The following CCDC149 variants were observed in gnomAD, a reference collection of about 807,000 sequenced individuals.
CCDC149 encodes the protein coiled-coil domain-containing protein 149.
CCDC149 carries 45 observed loss-of-function variants against 59.9 expected under a neutral mutation model. The observed-to-expected ratio is 0.75, with a 90% CI of 0.59 to 0.96. The LOEUF (loss-of-function observed/expected upper bound fraction) is 0.96. Among genes scored for constraint, CCDC149 ranks in the 40% least tolerant of loss-of-function variants. CCDC149 has a pLI of 0.00. For missense variants in CCDC149, 584 were observed against 664.7 expected, an observed-to-expected ratio of 0.88 and a Z score of 1.33; for synonymous variants, 245 against 260.6, an observed-to-expected ratio of 0.94 and a Z score of 0.58.
chr4:24,804,460 C>T (rs1670228039), downstream of CCDC149, among the ~76,000 whole-genome samples: 1 of 145,896 alleles, frequency 6.9e-6, no homozygotes, highest in African/African-American at 2.6e-5. Flanking sequence ...CACTGCACTC[C>T]ACCCTGGGTG....
rs760293747 is a variant in CCDC149 at position 24,895,049 on chromosome 4, G to A, written c.63+17768C>T. The A allele has an allele frequency of 1.3e-4, 203 of 1,523,794 alleles. No homozygotes were observed. In the Middle Eastern group the frequency reaches 1.8e-3, roughly 14 times the overall value. The allele number at this position is 1,523,794 out of a possible 1,614,324, so 94.4% of individuals were successfully genotyped here. ...TGATGATGATGACGACGACGATGACGACCATGATGGTGATGATGATGAGTT... is the reference window on the plus strand; with the variant it reads ...TGATGATGATGACGACGACGATGACAACCATGATGGTGATGATGATGAGTT... On this transcript the variant is annotated intron_variant, in intron 1 of 12. Transcript: ENST00000635206.
At chr4:24,822,683 G>T in intron 9 of CCDC149, 110 bp from the exon 10 acceptor site, 1 of 641,040 alleles carries the variant, frequency 1.6e-6, no homozygotes, top group South Asian at 2.4e-5. Flanking sequence ...TATGATATAT[G>T]CAAAAAATGG....
intron 1 of CCDC149, among the ~76,000 whole-genome samples, chr4:24,935,727 A>T (rs1023344525): frequency 1.3e-5 from 2 of 152,214 alleles, no homozygotes; most frequent in Non-Finnish European, 2.9e-5. Context: ...TCTGTTGCTT[A>T]TAAATCACCC....
chr4:24,932,715 A>G (rs1722630670), intron 1 of CCDC149, among the ~76,000 whole-genome samples: 1 of 152,110 alleles, frequency 6.6e-6, no homozygotes, highest in African/African-American at 2.4e-5. Flanking sequence ...TTAAATTGCA[A>G]CCCAGCACTG....
intron 12 of CCDC149, 112 bp from the exon 13 acceptor site, chr4:24,808,931 G>T (rs1714409571): frequency 5.6e-6 from 6 of 1,074,760 alleles, no homozygotes; most frequent in Non-Finnish European, 7.8e-6. Context: ...TGAAAAAGGA[G>T]CAAGACTTTT....
intron 1 of CCDC149, among the ~76,000 whole-genome samples, chr4:24,886,829 G>A (rs866749299): frequency 3.3e-5 from 5 of 152,180 alleles, no homozygotes; most frequent in Admixed American, 1.3e-4. Flanking sequence ...CTGAAGAAAG[G>A]AAGACAGCTG....
At chr4:24,905,879 A>G (rs4697495) in intron 1 of CCDC149, among the ~76,000 whole-genome samples, 121,158 of 152,162 alleles carry the variant, frequency 0.8, 48,784 homozygotes, top group Non-Finnish European at 0.86. Context: ...GATATGTACA[A>G]TTCTCCACTC....
chr4:24,876,558 T>C lies in CCDC149; in HGVS notation c.203A>G (p.Lys68Arg). Residue 68 changes from lysine (K) to arginine (R), a missense_variant, in exon 2 of 13, where the codon AAG (lysine) becomes AGG (arginine). Transcript: ENST00000635206. ...TACAATCAGCTCTCGGTACTTCTTC[T>C]TCAGTGACTGGTGGCGCTCCCGGAG... is the stretch of plus-strand genomic sequence containing the variant. The C allele has an allele frequency of 6.2e-7, 1 of 1,614,156 alleles. No individual in the cohort carries two copies. Among genetic ancestry groups the C allele is most frequent in the Non-Finnish European group, 8.5e-7 (1 of 1,179,982 alleles).
At chr4:24,950,543 C>T (rs970295568) in intron 1 of CCDC149, among the ~76,000 whole-genome samples, 2 of 152,164 alleles carry the variant, frequency 1.3e-5, no homozygotes, top group African/African-American at 4.8e-5. Context: ...TGGAGAATCC[C>T]AGCCTTTGGA....
rs534090201 is a variant in CCDC149, at chr4:24,808,593, C to T, written c.1419G>A (p.Leu473=). ...TGGGACTCTCTCTTCTGACCTCTTC[C>T]AGTTCTGCAGCTGCCTGTTCCTTTG... The change falls in exon 13 of 13, where the codon CTG becomes CTA. Residue 473 remains leucine (L), a synonymous_variant. Coordinates refer to ENST00000635206, the MANE Select transcript of CCDC149 (RefSeq NM_001330643.2). 6.4e-7 allele frequency: 1 copy of T among 1,552,208 alleles called. No individual in the cohort carries two copies. The highest frequency in any genetic ancestry group is 2.4e-5 in the East Asian group (1 of 40,916).
intron 1 of CCDC149, among the ~76,000 whole-genome samples, chr4:24,889,449 T>C (rs1410994001): frequency 6.6e-6 from 1 of 152,236 alleles, no homozygotes; most frequent in Admixed American, 6.5e-5. Flanking sequence ...ATGCTGCCGG[T>C]ACGCCTTGCA....
At chr4:24,897,865 G>A (rs1396526126) in intron 1 of CCDC149, among the ~76,000 whole-genome samples, 3 of 152,222 alleles carry the variant, frequency 2.0e-5, no homozygotes, top group South Asian at 4.1e-4. Flanking sequence ...TGAGCAGCCT[G>A]CATGCATGCT....
At chr4:24,862,376 G>A (rs1453116101) in intron 3 of CCDC149, among the ~76,000 whole-genome samples, 2 of 152,180 alleles carry the variant, frequency 1.3e-5, no homozygotes, top group Non-Finnish European at 2.9e-5. Context: ...GATACCAGCC[G>A]TGGCGGCCAG....
chr4:24,831,765 T>C (rs1259017567), intron 8 of CCDC149, 115 bp from the exon 9 acceptor site: 11 of 911,498 alleles, frequency 1.2e-5, no homozygotes, highest in African/African-American at 8.5e-5. Context: ...AATGCTACTA[T>C]GTTGTATTGA....
At position 24,912,800 on chromosome 4, in the gene CCDC149, C is replaced by G. The variant is rs1389055041; in HGVS notation, c.63+17G>C. 5 of 1,315,484 alleles carry G rather than the reference C, an allele frequency of 3.8e-6. No homozygotes were observed. Among genetic ancestry groups the G allele is most frequent in the South Asian group, 3.5e-5 (2 of 56,362 alleles). The allele number at this position is 1,315,484 out of a possible 1,614,324, so 81.5% of individuals were successfully genotyped here. On this transcript the variant is annotated intron_variant, in intron 1 of 12. Coordinates refer to ENST00000635206, the MANE Select transcript of CCDC149 (RefSeq NM_001330643.2). Reference sequence around the variant, plus strand: ...CTCGGCCCGGCCCATCCCGCCTGGCCGGCGCCGCGGCCTCACCTCGCTCAC... The same window carrying G: ...CTCGGCCCGGCCCATCCCGCCTGGCGGGCGCCGCGGCCTCACCTCGCTCAC...
chr4:24,812,909 C>T (rs2109089901), intron 12 of CCDC149, among the ~76,000 whole-genome samples: 1 of 152,270 alleles, frequency 6.6e-6, no homozygotes, highest in African/African-American at 2.4e-5. Flanking sequence ...TCCACCTGGC[C>T]CCACCCTTGA....
At chr4:24,924,062 A>G (rs1722370898) in intron 1 of CCDC149, among the ~76,000 whole-genome samples, 1 of 152,330 alleles carries the variant, frequency 6.6e-6, no homozygotes, top group South Asian at 2.1e-4. Flanking sequence ...CGAAAGTAGC[A>G]TATGTCACTT....
In CCDC149 at chr4:24,834,933, A is replaced by T; in HGVS notation, c.820+15T>A. ...TACGCTCATGAGCGGTCTCTCCTGG[A>T]GCATGATATCCTACCTTGCTTTGCA... On this transcript the variant is annotated intron_variant, in intron 8 of 12. Coordinates refer to ENST00000635206, the MANE Select transcript of CCDC149 (RefSeq NM_001330643.2). The T allele has an allele frequency of 6.3e-7, 1 of 1,598,992 alleles. No homozygotes were observed. The highest frequency in any genetic ancestry group is 8.6e-7 in the Non-Finnish European group (1 of 1,166,994).
intron 1 of CCDC149, among the ~76,000 whole-genome samples, chr4:24,956,872 G>C (rs1202504371): frequency 6.6e-6 from 1 of 152,222 alleles, no homozygotes; most frequent in African/African-American, 2.4e-5. Flanking sequence ...TAATTTATCA[G>C]CTGACCTGAG....
Sources: gnomAD v4.1 joint callset for allele counts (sites outside exome capture counted in the v4.1 genomes callset) on GRCh38, gnomAD v4.1.1 for gene constraint, MANE v1.5 for transcripts, NCBI Gene and HGNC (gene_info 2026-07-23, HGNC 2026-07-21) for gene names.